PLPPR1: variants seen among roughly 807,000 people sequenced by gnomAD.
PLPPR1 encodes phospholipid phosphatase related 1.
Under a neutral mutation model 33.1 loss-of-function variants are expected in PLPPR1, and 10 were observed. The ratio of observed to expected loss-of-function variants is 0.30; its 90% CI spans 0.19 to 0.51. The LOEUF is 0.51. Ranked by LOEUF, PLPPR1 falls within the 20% of genes least tolerant of loss-of-function variation. The probability of loss-of-function intolerance (pLI) is 0.97; values close to 1 mark genes in which losing one functional copy is unlikely to be tolerated. For synonymous variants in PLPPR1, 151 were observed against 151.0 expected (o/e 1.00, Z 0.00); for missense variants, 304 against 408.1 (o/e 0.74, Z 2.20).
intron 1 of PLPPR1, among the ~76,000 whole-genome samples, chr9:101,035,022 T>C (rs1181607750): frequency 6.6e-6 from 1 of 152,138 alleles, no homozygotes; most frequent in African/African-American, 2.4e-5. Context: ...GAAAGTTTGC[T>C]TGCGTTTAGC....
At chr9:101,232,946 T>A (rs1044999474) in intron 2 of PLPPR1, among the ~76,000 whole-genome samples, 1 of 152,054 alleles carries the variant, frequency 6.6e-6, no homozygotes, top group African/African-American at 2.4e-5. Flanking sequence ...AAAATAAATA[T>A]GTGTCTGATC....
chr9:101,132,214 G>C (rs10989416), intron 1 of PLPPR1, among the ~76,000 whole-genome samples: 71,405 of 151,824 alleles, frequency 0.47, 17,265 homozygotes, highest in Non-Finnish European at 0.53. Flanking sequence ...AATGTTTTCA[G>C]CTTAAAGAAC....
intron 1 of PLPPR1, among the ~76,000 whole-genome samples, chr9:101,074,183 A>G (rs1260214654): frequency 6.6e-6 from 1 of 152,184 alleles, no homozygotes; most frequent in Non-Finnish European, 1.5e-5. Flanking sequence ...TGGATCAATA[A>G]CATGCAATAC....
chr9:101,098,490 G>C (rs1266339869), intron 1 of PLPPR1, among the ~76,000 whole-genome samples: 1 of 152,116 alleles, frequency 6.6e-6, no homozygotes, highest in African/African-American at 2.4e-5. Context: ...GAGATGATCT[G>C]TCAGTGATAA....
chr9:101,182,632 T>A (rs1252302952), intron 1 of PLPPR1, among the ~76,000 whole-genome samples: 2 of 151,814 alleles, frequency 1.3e-5, no homozygotes, highest in Non-Finnish European at 3.0e-5. Context: ...CACTGAATTG[T>A]ATTCTTTAAG....
At chr9:101,167,740 A>T (rs1387541258) in intron 1 of PLPPR1, among the ~76,000 whole-genome samples, 2 of 152,118 alleles carry the variant, frequency 1.3e-5, no homozygotes, top group African/African-American at 4.8e-5. Flanking sequence ...TTCAAACAAG[A>T]GCTTCTATCT....
intron 2 of PLPPR1, among the ~76,000 whole-genome samples, chr9:101,207,619 T>C (rs1436178156): frequency 1.4e-4 from 22 of 152,142 alleles, no homozygotes; most frequent in Admixed American, 1.3e-3. Context: ...GGCTGTATGA[T>C]ACTGGGCCAC....
chr9:101,245,814 A>G (rs996745672), intron 2 of PLPPR1, among the ~76,000 whole-genome samples: 1 of 151,768 alleles, frequency 6.6e-6, no homozygotes, highest in Non-Finnish European at 1.5e-5. Flanking sequence ...AAGAACTAAC[A>G]TGGTCTGTAA....
At chr9:101,095,186 T>C (rs1238293088) in intron 1 of PLPPR1, among the ~76,000 whole-genome samples, 3 of 152,240 alleles carry the variant, frequency 2.0e-5, no homozygotes, top group African/African-American at 7.2e-5. Flanking sequence ...TGTGCCTCAG[T>C]CAATAGGATG....
chr9:101,313,850 G>A (rs1829005278), intron 6 of PLPPR1, among the ~76,000 whole-genome samples: 3 of 152,044 alleles, frequency 2.0e-5, no homozygotes, highest in Admixed American at 6.5e-5. Flanking sequence ...CAGGCAACTG[G>A]TGATCTTCTG....
At chr9:101,071,914 T>C (rs1830486611) in intron 1 of PLPPR1, among the ~76,000 whole-genome samples, 1 of 152,140 alleles carries the variant, frequency 6.6e-6, no homozygotes. Flanking sequence ...GAATTTCAAC[T>C]GTGAGATTCT....
chr9:101,275,606 G>A (rs1282510757), intron 3 of PLPPR1, among the ~76,000 whole-genome samples: 1 of 152,106 alleles, frequency 6.6e-6, no homozygotes, highest in Non-Finnish European at 1.5e-5. Flanking sequence ...ACTGCCTCAG[G>A]CCTTCTGAAT....
intron 1 of PLPPR1, among the ~76,000 whole-genome samples, chr9:101,180,684 A>G (rs956434660): frequency 2.2e-4 from 34 of 151,844 alleles, no homozygotes; most frequent in African/African-American, 6.5e-4. Context: ...CTGGATCTAC[A>G]CAAGCAGAAG....
chr9:101,259,115 T>C (rs1332287471), intron 2 of PLPPR1, among the ~76,000 whole-genome samples: 1 of 152,102 alleles, frequency 6.6e-6, no homozygotes, highest in Non-Finnish European at 1.5e-5. Flanking sequence ...CTCCATATCA[T>C]CCACCTATAA....
chr9:101,212,625 T>C (rs1374882924), intron 2 of PLPPR1, among the ~76,000 whole-genome samples: 1 of 152,210 alleles, frequency 6.6e-6, no homozygotes, highest in Non-Finnish European at 1.5e-5. Flanking sequence ...AAATGCACTG[T>C]TGTCAGTATA....
intron 1 of PLPPR1, among the ~76,000 whole-genome samples, chr9:101,113,517 T>G (rs959252008): frequency 6.6e-6 from 1 of 152,088 alleles, no homozygotes; most frequent in African/African-American, 2.4e-5. Context: ...AAAATTCAAA[T>G]GTACCCAGGG....
chr9:101,304,239 A>G (rs1002781501), intron 4 of PLPPR1, among the ~76,000 whole-genome samples: 5 of 152,250 alleles, frequency 3.3e-5, no homozygotes, highest in Non-Finnish European at 2.9e-5. Context: ...CTTTTTGTCA[A>G]CTATGTTCTC....
At chr9:101,114,619 C>G (rs1397658568) in intron 1 of PLPPR1, among the ~76,000 whole-genome samples, 1 of 152,226 alleles carries the variant, frequency 6.6e-6, no homozygotes, top group Non-Finnish European at 1.5e-5. Context: ...GTGACTCGCA[C>G]AGGCCAACGC....
chr9:101,149,414 A>G (rs1401613168), intron 1 of PLPPR1, among the ~76,000 whole-genome samples: 1 of 152,142 alleles, frequency 6.6e-6, no homozygotes, highest in African/African-American at 2.4e-5. Context: ...AGAACTCTAT[A>G]AGACCCCACA....
Sources: gnomAD v4.1 joint callset for allele counts (sites outside exome capture counted in the v4.1 genomes callset) on GRCh38, gnomAD v4.1.1 for gene constraint, MANE v1.5 for transcripts, NCBI Gene and HGNC (gene_info 2026-07-23, HGNC 2026-07-21) for gene names.